The following TKFC variants were observed in gnomAD, a reference collection of about 807,000 sequenced individuals.
TKFC encodes the protein triokinase/FMN cyclase.
A neutral mutation model predicts 61.0 loss-of-function variants in TKFC; 46 were observed. That is an observed-to-expected ratio of 0.75 (90% confidence interval 0.60 to 0.96). The LOEUF (loss-of-function observed/expected upper bound fraction) is 0.96. Ranked by LOEUF, TKFC falls within the 50% of genes least tolerant of loss-of-function variation. The pLI is 0.00. For synonymous variants in TKFC, 314 were observed against 330.1 expected, an observed-to-expected ratio of 0.95 and a Z score of 0.53; for missense variants, 715 against 777.5, an observed-to-expected ratio of 0.92 and a Z score of 0.96.
downstream of TKFC, chr11:61,352,820 A>C (rs1233323892): frequency 1.4e-6 from 2 of 1,454,622 alleles, no homozygotes; most frequent in East Asian, 2.5e-5. Flanking sequence ...CTGACTTACC[A>C]ATTTCAACCT....
chr11:61,336,431 CCA>C (rs1312530456), intron 2 of TKFC: 2 of 152,788 alleles, frequency 1.3e-5, no homozygotes, highest in East Asian at 1.9e-4. Context: ...ACGTTGGGCC[CCA>C]GTCTCACTCT....
chr11:61,352,814 CT>C (rs1857476146), downstream of TKFC: 1 of 1,449,762 alleles, frequency 6.9e-7, no homozygotes, highest in Non-Finnish European at 9.0e-7. Flanking sequence ...TATCTGCTGA[CT>C]TACCAATTTC....
chr11:61,343,556 CAG>C, intron 11 of TKFC, 98 bp downstream of exon 11: 1 of 1,159,494 alleles, frequency 8.6e-7, no homozygotes, highest in South Asian at 1.3e-5. Context: ...CCGTGACAAT[CAG>C]GGCTCTGGAG....
chr11:61,345,319 A>G lies in TKFC; in HGVS notation c.1300A>G (p.Lys434Glu). 6.2e-7 allele frequency: 1 copy of G among 1,605,140 alleles called. No individual in the cohort carries two copies. Among genetic ancestry groups the G allele is most frequent in the Non-Finnish European group, 8.5e-7 (1 of 1,173,966 alleles). Residue 434 changes from lysine (K) to glutamate (E), a missense_variant, in exon 14 of 18, where the codon AAG becomes GAG. Physicochemically the swap from Lys to Glu is moderately conservative, Grantham distance 56. Transcript: ENST00000394900. ...TGCCAGCCCTGCCCAGCTGCTCTCCAAGTTGTCTGTCCTGCTCCTGGAGAA... is the reference window on the plus strand; with the variant it reads ...TGCCAGCCCTGCCCAGCTGCTCTCCGAGTTGTCTGTCCTGCTCCTGGAGAA... The part of the protein sequence containing the change: ...PPASPAQLLS[K>E]LSVLLLEKMG...
chr11:61,333,279 A>G lies in TKFC; in HGVS notation c.-160A>G, dbSNP rs1590706814. 27 of 258,552 alleles carry G rather than the reference A, an allele frequency of 1.0e-4. No individual in the cohort carries two copies. The East Asian group carries it at 1.8e-3, about 17-fold the overall frequency. 16.0% of individuals were successfully genotyped at this position (258,552 alleles called of 1,614,324 possible). A position where few individuals can be genotyped will look rare whatever the true frequency, so the allele number is the denominator to read the frequency against. ...AGCGCACGCTTCGGGGTCTCCGGGA[A>G]GTCGCGGCGCCTTCGGATGTGGCGG... On this transcript the variant is annotated 5_prime_UTR_variant, in exon 1 of 18. Transcript: ENST00000394900.
chr11:61,345,817 C>T, intron 16 of TKFC, 40 bp from the exon 17 acceptor site: 5 of 1,614,140 alleles, frequency 3.1e-6, no homozygotes, highest in Non-Finnish European at 4.2e-6. Flanking sequence ...CCCTCGGTTG[C>T]AGGGCCCGTG....
chr11:61,343,794 C>A (rs1856978637), intron 11 of TKFC, 62 bp from the exon 12 acceptor site: 2 of 1,570,218 alleles, frequency 1.3e-6, no homozygotes, highest in African/African-American at 1.3e-5. Context: ...TGGGAGGGTC[C>A]AAGCCCTGCT....
At chr11:61,344,450 G>GC (rs1372549036) in intron 13 of TKFC, among the ~76,000 whole-genome samples, 177 bp downstream of exon 13, 1 of 131,770 alleles carries the variant, frequency 7.6e-6, no homozygotes, top group Non-Finnish European at 1.6e-5. Context: ...TGCAGTCTCC[G>GC]CCCCCCGGGT....
chr11:61,336,181 A>G, intron 2 of TKFC: 1 of 154,404 alleles, frequency 6.5e-6, no homozygotes, highest in South Asian at 2.0e-4. Flanking sequence ...AACCAATCTT[A>G]TTGTTCTTCT....
downstream of TKFC, chr11:61,352,973 C>A: frequency 6.2e-7 from 1 of 1,614,114 alleles, no homozygotes; most frequent in Non-Finnish European, 8.5e-7. Context: ...TTGGGGACCC[C>A]ACTGCACTCA....
chr11:61,343,689 A>C, intron 11 of TKFC, 167 bp from the exon 12 acceptor site: 3 of 1,077,494 alleles, frequency 2.8e-6, no homozygotes, highest in Non-Finnish European at 4.0e-6. Context: ...CCCTCTCTCC[A>C]TACCCCTGTA....
chr11:61,351,248 C>G, downstream of TKFC: 2 of 1,274,636 alleles, frequency 1.6e-6, no homozygotes, highest in Non-Finnish European at 2.1e-6. Context: ...AAAACCTTCC[C>G]GGGTCCATAT....
chr11:61,337,932 C>A lies in TKFC; in HGVS notation c.4-9C>A. The A allele has an allele frequency of 6.3e-7, 1 of 1,597,916 alleles. No homozygotes were observed. Among genetic ancestry groups the A allele is most frequent in the Non-Finnish European group, 8.5e-7 (1 of 1,172,836 alleles). On this transcript the variant is annotated splice_polypyrimidine_tract_variant and intron_variant, in intron 2 of 17. Transcript: ENST00000394900. ...ACATTCTGACCTCCTTCTCACTCCT[C>A]CCTTGCAGACCTCCAAGAAGCTGGT...
Position 61,343,930 on chromosome 11 carries a change from G to A in TKFC, c.1057G>A (p.Ala353Thr), listed in dbSNP as rs1445494759. The change falls in exon 12 of 18, where the codon GCC (alanine) becomes ACC (threonine). Residue 353 changes from alanine to threonine, a missense_variant. Ala to Thr is a moderately conservative substitution (Grantham distance 58, BLOSUM62 0). Coordinates refer to ENST00000394900, the MANE Select transcript of TKFC (RefSeq NM_015533.4). The part of the protein sequence containing the change: ...SITGRKRSRV[A>T]PAEPQEAPDS... ...TACTGGGCGGAAGCGGAGCCGGGTA[G>A]CCCCTGCCGAGCCCCAGGAGGCCCC... 1.2e-6 allele frequency: 2 copies of A among 1,611,152 alleles called. No individual in the cohort carries two copies.
At chr11:61,350,134 G>A, downstream of TKFC, 1 of 582,390 alleles carries the variant, frequency 1.7e-6, no homozygotes, top group South Asian at 2.1e-5. Flanking sequence ...GGCAGGCCCA[G>A]CACCCAGGCA....
rs1191935613 is a variant in TKFC at position 61,342,781 on chromosome 11, A to G, written c.802A>G (p.Asn268Asp). 6.2e-7 allele frequency: 1 copy of G among 1,613,844 alleles called. No individual in the cohort carries two copies. Among genetic ancestry groups the G allele is most frequent in the African/African-American group, 1.3e-5 (1 of 74,898 alleles). ...PGSSVVMMVN[N>D]LGGLSFLELG... ...CTCCTCAGTTGTGATGATGGTCAAC[A>G]ACCTGGGTGGCCTGTCATTCCTGGA... The change falls in exon 10 of 18, where the codon AAC (asparagine) becomes GAC (aspartate). Residue 268 changes from asparagine to aspartate, a missense_variant. By Grantham distance (23) the Asn-to-Asp change is conservative. Transcript: ENST00000394900.
In TKFC at chr11:61,345,700, T is replaced by C; in HGVS notation, c.1452-12T>C. 4 of 1,614,250 alleles carry C rather than the reference T, an allele frequency of 2.5e-6. No individual in the cohort carries two copies. The highest frequency in any genetic ancestry group is 3.4e-6 in the Non-Finnish European group (4 of 1,180,038). On this transcript the variant is annotated splice_polypyrimidine_tract_variant and intron_variant, in intron 15 of 17. Transcript: ENST00000394900. ...CCTATAGTGAGCCTCTTTCACTCTC[T>C]TTCCCTGCCAGGTATGGCAAGGCTG... is the stretch of plus-strand genomic sequence containing the variant.
At chr11:61,345,775 T>G (rs1490739422) in intron 16 of TKFC, 30 bp downstream of exon 16, 1 of 1,614,216 alleles carries the variant, frequency 6.2e-7, no homozygotes, top group Non-Finnish European at 8.5e-7. Context: ...CCTCAGACCT[T>G]TCTCCTTTTG....
downstream of TKFC, chr11:61,352,670 GAAAA>G (rs749582067): frequency 2.1e-3 from 1,205 of 585,850 alleles, 3 homozygotes; most frequent in Non-Finnish European, 2.6e-3. Context: ...CAAAAAAAAA[GAAAA>G]AAGAAAATGG....
Sources: allele counts gnomAD v4.1 joint callset (sites outside exome capture counted in the v4.1 genomes callset), GRCh38; gene constraint gnomAD v4.1.1; transcripts MANE v1.5; gene names NCBI Gene and HGNC (gene_info 2026-07-23, HGNC 2026-07-21).